The following TUSC3 variants were observed in gnomAD, a reference collection of about 807,000 sequenced individuals.
TUSC3 encodes the protein dolichyl-diphosphooligosaccharide--protein glycosyltransferase subunit TUSC3.
Under a neutral mutation model 44.8 loss-of-function variants are expected in TUSC3, and 45 were observed. The ratio of observed to expected loss-of-function variants is 1.00; its 90% CI spans 0.79 to 1.29. The LOEUF is 1.29. Among genes scored for constraint, TUSC3 ranks in the 50% most tolerant of loss-of-function variants. The probability of loss-of-function intolerance (pLI) is 0.00; values close to 1 mark genes in which losing one functional copy is unlikely to be tolerated. For missense variants in TUSC3, 519 were observed against 437.9 expected, an observed-to-expected ratio of 1.19 and a Z score of -1.65; for synonymous variants, 212 against 152.9, an observed-to-expected ratio of 1.39 and a Z score of -2.85.
chr8:15,617,139 T>TGTG (rs772712798), intron 1 of TUSC3, among the ~76,000 whole-genome samples: 1 of 60,192 alleles, frequency 1.7e-5, no homozygotes, highest in African/African-American at 5.9e-5. Flanking sequence ...TGTGTATATA[T>TGTG]TTTTTTTTTT....
chr8:15,812,307 A>G, the TUSC3 span, among the ~76,000 whole-genome samples: 1 of 152,336 alleles, frequency 6.6e-6, no homozygotes, highest in South Asian at 2.1e-4. Context: ...AGAGAAGGTA[A>G]CATTCAGGAG....
chr8:15,789,360 C>T, the TUSC3 span, among the ~76,000 whole-genome samples: 1 of 152,098 alleles, frequency 6.6e-6, no homozygotes. Flanking sequence ...TAGAAAATAG[C>T]ATTTTCAACA....
chr8:15,638,029 T>G (rs1368582121), intron 2 of TUSC3, among the ~76,000 whole-genome samples: 1 of 152,210 alleles, frequency 6.6e-6, no homozygotes, highest in Non-Finnish European at 1.5e-5. Flanking sequence ...CTGCCATGTT[T>G]GTTCCTGTGT....
At chr8:15,518,604 T>C (rs1563272280) in intron 2 of TUSC3, among the ~76,000 whole-genome samples, 1 of 152,168 alleles carries the variant, frequency 6.6e-6, no homozygotes. Flanking sequence ...CCTTTCCTTT[T>C]TTTCCATAGG....
intron 1 of TUSC3, among the ~76,000 whole-genome samples, chr8:15,545,327 T>C (rs1471218778): frequency 6.6e-6 from 1 of 151,698 alleles, no homozygotes; most frequent in Non-Finnish European, 1.5e-5. Context: ...TGCCCACTCA[T>C]GTAGTGAATT....
intron 2 of TUSC3, among the ~76,000 whole-genome samples, chr8:15,635,646 C>G (rs563770566): frequency 6.6e-6 from 1 of 152,030 alleles, no homozygotes; most frequent in Non-Finnish European, 1.5e-5. Context: ...GTGGTAGCCC[C>G]GACAAAAGAA....
the TUSC3 span, among the ~76,000 whole-genome samples, chr8:15,820,838 T>A: frequency 1.3e-5 from 2 of 152,228 alleles, no homozygotes; most frequent in South Asian, 4.1e-4. Context: ...TTATGTTTTT[T>A]AAAATATGTA....
At chr8:15,444,468 A>G (rs868480015) in intron 1 of TUSC3, among the ~76,000 whole-genome samples, 1 of 152,172 alleles carries the variant, frequency 6.6e-6, no homozygotes, top group East Asian at 1.9e-4. Context: ...GGTTAAAGCA[A>G]CCTAACAGGA....
Position 15,623,158 on chromosome 8 carries a change from T to C in TUSC3, c.217T>C (p.Phe73Leu). 2.5e-6 allele frequency: 4 copies of C among 1,613,888 alleles called. No homozygotes were observed. The highest frequency in any genetic ancestry group is 3.4e-6 in the Non-Finnish European group (4 of 1,179,882). ...RSIFRMNGDK[F>L]RKFIKAPPRN... ...AATCTTCCGAATGAATGGTGATAAA[T>C]TCCGAAAATTTATAAAGGCACCACC... Residue 73 changes from phenylalanine to leucine, a missense_variant, in exon 2 of 11, where the codon TTC (phenylalanine) becomes CTC (leucine). Coordinates refer to ENST00000503731, the MANE Select transcript of TUSC3 (RefSeq NM_006765.4).
intron 6 of TUSC3, among the ~76,000 whole-genome samples, chr8:15,713,655 T>G (rs142027376): frequency 0.016 from 2,429 of 152,150 alleles, 33 homozygotes; most frequent in Middle Eastern, 0.061. Flanking sequence ...TGCCTTCTCC[T>G]CCCTCACTCT....
chr8:15,767,890 G>A (rs1010977838), downstream of TUSC3, among the ~76,000 whole-genome samples: 8 of 152,152 alleles, frequency 5.3e-5, no homozygotes, highest in African/African-American at 1.7e-4. Context: ...AAGCTGGATA[G>A]TGAAATACTT....
At chr8:15,845,028 C>G in the TUSC3 span, among the ~76,000 whole-genome samples, 1 of 152,094 alleles carries the variant, frequency 6.6e-6, no homozygotes, top group Admixed American at 6.6e-5. Context: ...TGCAGTTAAT[C>G]AAATGGAAAT....
intron 2 of TUSC3, among the ~76,000 whole-genome samples, chr8:15,487,610 G>C (rs7843187): frequency 0.59 from 90,357 of 152,046 alleles, 27,391 homozygotes; most frequent in East Asian, 0.77. Flanking sequence ...CACCAGGTCT[G>C]TTTTTAGATT....
chr8:15,594,756 C>G (rs1803993854), intron 1 of TUSC3, among the ~76,000 whole-genome samples: 2 of 152,150 alleles, frequency 1.3e-5, no homozygotes, highest in South Asian at 2.1e-4. Context: ...TCGCTGCACA[C>G]TAGTTATCAA....
At chr8:15,497,208 G>A (rs1800894140) in intron 2 of TUSC3, among the ~76,000 whole-genome samples, 1 of 152,150 alleles carries the variant, frequency 6.6e-6, no homozygotes, top group African/African-American at 2.4e-5. Context: ...GCAGGGACTT[G>A]GTAGATAAAT....
At chr8:15,417,592 C>G (rs909522351) in intron 1 of TUSC3, among the ~76,000 whole-genome samples, 1 of 152,150 alleles carries the variant, frequency 6.6e-6, no homozygotes, top group African/African-American at 2.4e-5. Flanking sequence ...AATTTAAACG[C>G]TTACTCTAGG....
At chr8:15,486,658 T>G (rs573785894) in intron 2 of TUSC3, among the ~76,000 whole-genome samples, 4 of 152,068 alleles carry the variant, frequency 2.6e-5, no homozygotes, top group Non-Finnish European at 2.9e-5. Flanking sequence ...TTGGCCAGGC[T>G]GGTTTTGAGC....
the TUSC3 span, among the ~76,000 whole-genome samples, chr8:15,808,255 C>T: frequency 6.6e-6 from 1 of 151,932 alleles, no homozygotes; most frequent in South Asian, 2.1e-4. Flanking sequence ...TTTTCAAAGA[C>T]TTTTTGTTTC....
At chr8:15,558,923 A>G (rs1455449949) in intron 1 of TUSC3, among the ~76,000 whole-genome samples, 9 of 151,364 alleles carry the variant, frequency 5.9e-5, no homozygotes, top group Admixed American at 2.0e-4. Context: ...CTAGCGGTCT[A>G]TCAATCTTGT....
Sources: allele counts gnomAD v4.1 joint callset (sites outside exome capture counted in the v4.1 genomes callset), GRCh38; gene constraint gnomAD v4.1.1; transcripts MANE v1.5; gene names NCBI Gene and HGNC (gene_info 2026-07-23, HGNC 2026-07-21).